PTPRK: variants seen among roughly 807,000 people sequenced by gnomAD.
PTPRK encodes protein tyrosine phosphatase receptor type K, also known as receptor-type tyrosine-protein phosphatase kappa.
PTPRK carries 75 observed loss-of-function variants against 178.0 expected under a neutral mutation model. The observed-to-expected ratio is 0.42, with a 90% CI of 0.35 to 0.51. PTPRK has a LOEUF of 0.51. Ranked by LOEUF, PTPRK falls within the 20% of genes least tolerant of loss-of-function variation. PTPRK has a pLI of 0.02. For missense variants in PTPRK, 1,441 were observed against 1,797.8 expected (o/e 0.80, Z 3.59); for synonymous variants, 637 against 620.6 (o/e 1.03, Z -0.39).
At chr6:128,049,049 T>C (rs1778560710) in intron 13 of PTPRK, among the ~76,000 whole-genome samples, 1 of 152,144 alleles carries the variant, frequency 6.6e-6, no homozygotes, top group South Asian at 2.1e-4. Context: ...AAATGGCTCA[T>C]GAATAGACAA....
chr6:128,170,132 C>CA (rs1800021039), intron 7 of PTPRK, among the ~76,000 whole-genome samples: 1 of 151,850 alleles, frequency 6.6e-6, no homozygotes, highest in African/African-American at 2.4e-5. Flanking sequence ...TTGAATAACA[C>CA]AAAGCCTAAT....
At chr6:128,170,638 A>G (rs1800098115) in intron 7 of PTPRK, among the ~76,000 whole-genome samples, 1 of 152,048 alleles carries the variant, frequency 6.6e-6, no homozygotes, top group African/African-American at 2.4e-5. Flanking sequence ...TCTTAAATTA[A>G]CAACTGTTGT....
At chr6:128,096,197 C>A (rs1206502243) in intron 7 of PTPRK, among the ~76,000 whole-genome samples, 1 of 152,008 alleles carries the variant, frequency 6.6e-6, no homozygotes, top group Admixed American at 6.6e-5. Flanking sequence ...GGTATTTATG[C>A]CTGTAATAAC....
chr6:128,512,422 T>C (rs530332887), intron 1 of PTPRK, among the ~76,000 whole-genome samples: 109 of 152,318 alleles, frequency 7.2e-4, no homozygotes, highest in Admixed American at 1.6e-3. Context: ...TTTTTATTAG[T>C]CTCTGCCATA....
chr6:128,244,967 G>C (rs1273403176), intron 3 of PTPRK, among the ~76,000 whole-genome samples: 1 of 152,124 alleles, frequency 6.6e-6, no homozygotes, highest in African/African-American at 2.4e-5. Flanking sequence ...ACTCTGCCAG[G>C]ACATTTTTAC....
At chr6:128,279,211 T>C (rs74692723) in intron 3 of PTPRK, among the ~76,000 whole-genome samples, 1 of 30,030 alleles carries the variant, frequency 3.3e-5, no homozygotes, top group East Asian at 5.6e-3. Context: ...TGAGGTTAAA[T>C]TAAAAAAAAA....
At chr6:128,195,619 C>T (rs927670003) in intron 6 of PTPRK, among the ~76,000 whole-genome samples, 3 of 151,802 alleles carry the variant, frequency 2.0e-5, no homozygotes, top group African/African-American at 4.8e-5. Context: ...TACTTTTTTA[C>T]GAAAAAGGAA....
chr6:128,380,788 C>G (rs2128356100), intron 2 of PTPRK, among the ~76,000 whole-genome samples: 2 of 152,264 alleles, frequency 1.3e-5, no homozygotes, highest in Middle Eastern at 6.8e-3. Context: ...GCCAACCTAT[C>G]AGATTTCTCA....
At chr6:128,489,390 T>C (rs1853437839) in intron 1 of PTPRK, among the ~76,000 whole-genome samples, 1 of 152,182 alleles carries the variant, frequency 6.6e-6, no homozygotes, top group Non-Finnish European at 1.5e-5. Context: ...TTTCTTCTTA[T>C]CCTGGTAAGA....
intron 13 of PTPRK, among the ~76,000 whole-genome samples, chr6:128,043,241 A>C (rs1474780179): frequency 1.3e-5 from 2 of 152,002 alleles, no homozygotes; most frequent in African/African-American, 4.8e-5. Flanking sequence ...TAGGGATTGA[A>C]CATATATGAT....
chr6:128,355,001 A>C (rs1833768496), intron 2 of PTPRK, among the ~76,000 whole-genome samples: 1 of 152,238 alleles, frequency 6.6e-6, no homozygotes, highest in Non-Finnish European at 1.5e-5. Context: ...TCAACTAGTA[A>C]AAGTTTTAAT....
chr6:128,488,633 T>C (rs1853317709), intron 1 of PTPRK, among the ~76,000 whole-genome samples: 1 of 152,202 alleles, frequency 6.6e-6, no homozygotes, highest in South Asian at 2.1e-4. Flanking sequence ...TTGAATATGC[T>C]GGATAATTAC....
chr6:128,138,091 A>T (rs182009422), intron 7 of PTPRK, among the ~76,000 whole-genome samples: 8 of 152,238 alleles, frequency 5.3e-5, no homozygotes, highest in African/African-American at 1.9e-4. Flanking sequence ...CCTGTGCCAC[A>T]TGACACTTCC....
intron 3 of PTPRK, among the ~76,000 whole-genome samples, chr6:128,296,483 G>A (rs1284951506): frequency 6.6e-6 from 1 of 152,134 alleles, no homozygotes; most frequent in Non-Finnish European, 1.5e-5. Flanking sequence ...AGAAAGGTTG[G>A]GTTATCCACA....
chr6:128,385,308 C>T (rs1169813336), intron 2 of PTPRK, among the ~76,000 whole-genome samples: 1 of 151,976 alleles, frequency 6.6e-6, no homozygotes, highest in Non-Finnish European at 1.5e-5. Flanking sequence ...CAGGGATTCA[C>T]TTCCTTGCCT....
intron 7 of PTPRK, among the ~76,000 whole-genome samples, chr6:128,118,199 G>T (rs547303079): frequency 5.9e-5 from 9 of 152,166 alleles, no homozygotes; most frequent in Non-Finnish European, 1.2e-4. Flanking sequence ...ATCCATCAGA[G>T]TTTTTGGTGA....
chr6:128,380,333 T>C (rs892481992), intron 2 of PTPRK, among the ~76,000 whole-genome samples: 5 of 152,098 alleles, frequency 3.3e-5, no homozygotes, highest in Non-Finnish European at 5.9e-5. Flanking sequence ...CAACTTTGAT[T>C]GCATCAGCAC....
chr6:128,304,450 GA>G (rs1484309391), intron 3 of PTPRK, among the ~76,000 whole-genome samples: 2 of 152,100 alleles, frequency 1.3e-5, no homozygotes, highest in African/African-American at 4.8e-5. Flanking sequence ...GACTTTAAGA[GA>G]AAAAGTTATT....
intron 5 of PTPRK, among the ~76,000 whole-genome samples, chr6:128,234,063 A>G (rs1009311195): frequency 5.9e-5 from 9 of 152,254 alleles, no homozygotes; most frequent in African/African-American, 2.2e-4. Flanking sequence ...TCATAATAGA[A>G]TACTAATGCA....
Sources: gnomAD v4.1 joint callset for allele counts (sites outside exome capture counted in the v4.1 genomes callset) on GRCh38, gnomAD v4.1.1 for gene constraint, MANE v1.5 for transcripts, NCBI Gene and HGNC (gene_info 2026-07-23, HGNC 2026-07-21) for gene names.